FHIT: variants seen among roughly 807,000 people sequenced by gnomAD.
The protein encoded by FHIT is fragile histidine triad diadenosine triphosphatase.
Under a neutral mutation model 17.9 loss-of-function variants are expected in FHIT, and 19 were observed. The observed-to-expected ratio is 1.06, with a 90% CI of 0.74 to 1.56. The LOEUF (loss-of-function observed/expected upper bound fraction) is 1.56, where lower values mean the gene tolerates loss of function less well. Among genes scored for constraint, FHIT ranks in the 40% most tolerant of loss-of-function variants. The pLI is 0.00. For missense variants in FHIT, 248 were observed against 189.2 expected (o/e 1.31, Z -1.82); for synonymous variants, 81 against 69.7 (o/e 1.16, Z -0.81).
At chr3:60,553,763 C>T (rs575731983) in intron 4 of FHIT, among the ~76,000 whole-genome samples, 26 of 152,094 alleles carry the variant, frequency 1.7e-4, no homozygotes, top group Middle Eastern at 3.4e-3. Flanking sequence ...ACACCAGCAT[C>T]AAGGCCTAGA....
rs116303478 is a variant in FHIT at position 59,949,399 on chromosome 3, G to A, written c.280-26985C>T. ...TCACTCAGTGTCTTGCTAACATTTG[G>A]GCACCTATCTGGCATTCCACTAATG... On this transcript the variant is annotated intron_variant, in intron 7 of 9. Transcript: ENST00000492590. 1.7e-3 allele frequency among the ~76,000 whole-genome samples: 252 copies of A among 152,206 alleles called. 1 individual carries two copies. Among genetic ancestry groups the A allele is most frequent in the African/African-American group, 5.8e-3 (240 of 41,518 alleles).
intron 5 of FHIT, among the ~76,000 whole-genome samples, chr3:60,045,683 C>T (rs1347058645): frequency 1.3e-5 from 2 of 152,216 alleles, no homozygotes; most frequent in Non-Finnish European, 2.9e-5. Context: ...CCAGGGAAGA[C>T]ATGTGCCTCC....
chr3:61,206,592 A>G (rs976147620), intron 1 of FHIT, among the ~76,000 whole-genome samples: 31 of 152,120 alleles, frequency 2.0e-4, no homozygotes, highest in Non-Finnish European at 7.3e-5. Context: ...TGTGAATGGG[A>G]GTTCACTCAT....
At chr3:61,234,209 C>T (rs1029860849) in intron 1 of FHIT, among the ~76,000 whole-genome samples, 1 of 152,134 alleles carries the variant, frequency 6.6e-6, no homozygotes, top group Admixed American at 6.5e-5. Context: ...TAGGGGAGCA[C>T]TGCTTGCTGC....
intron 7 of FHIT, among the ~76,000 whole-genome samples, chr3:59,960,931 C>A (rs1707646058): frequency 1.3e-5 from 2 of 152,112 alleles, no homozygotes; most frequent in South Asian, 4.1e-4. Flanking sequence ...GACAGCGAAC[C>A]CAGCAAGGAA....
At chr3:59,870,933 T>C (rs1015257194) in intron 8 of FHIT, among the ~76,000 whole-genome samples, 1 of 151,954 alleles carries the variant, frequency 6.6e-6, no homozygotes, top group Non-Finnish European at 1.5e-5. Context: ...ATGACCCTAC[T>C]GTAAATGACT....
chr3:59,747,507 T>C lies in FHIT; in HGVS notation c.*2078A>G, dbSNP rs1427397543. ...CATGTGGGGATTATGGGAGCTACAA[T>C]TCAAGATGAGATGTGGGTGGGGAAA... On this transcript the variant is annotated 3_prime_UTR_variant, in exon 10 of 10. Transcript: ENST00000492590. Among the ~76,000 whole-genome samples the C allele has an allele frequency of 6.6e-6, 1 of 152,176 alleles. No homozygotes were observed. Among genetic ancestry groups the C allele is most frequent in the Non-Finnish European group, 1.5e-5 (1 of 68,026 alleles).
At position 60,454,672 on chromosome 3, in the gene FHIT, C is replaced by A. The variant is rs537996744; in HGVS notation, c.103+82188G>T. Among the ~76,000 whole-genome samples the A allele has an allele frequency of 2.0e-5, 3 of 152,302 alleles. No homozygotes were observed. The South Asian group carries it at 6.2e-4, about 32-fold the overall frequency. ...GTGCTGGGATTATAGGTGTGAGCCACCACGCTCAGCCTTAACCTAACTTTT... is the reference window on the plus strand; with the variant it reads ...GTGCTGGGATTATAGGTGTGAGCCAACACGCTCAGCCTTAACCTAACTTTT... On this transcript the variant is annotated intron_variant, in intron 5 of 9. Transcript: ENST00000492590.
intron 5 of FHIT, among the ~76,000 whole-genome samples, chr3:60,234,049 A>T (rs1051592209): frequency 6.6e-6 from 1 of 152,184 alleles, no homozygotes; most frequent in Non-Finnish European, 1.5e-5. Context: ...TCCCCATACT[A>T]GAATACATGC....
chr3:60,824,019 G>T (rs954839245), intron 3 of FHIT, among the ~76,000 whole-genome samples: 12 of 152,164 alleles, frequency 7.9e-5, no homozygotes, highest in African/African-American at 1.2e-4. Flanking sequence ...ACAAGGAGCT[G>T]GAGGGTGCTA....
intron 5 of FHIT, among the ~76,000 whole-genome samples, chr3:60,385,490 T>A (rs1383666934): frequency 6.6e-6 from 1 of 152,168 alleles, no homozygotes; most frequent in Non-Finnish European, 1.5e-5. Context: ...AAAAAGGAAA[T>A]AGCAACTTTG....
At chr3:59,843,654 C>A (rs1375187849) in intron 8 of FHIT, among the ~76,000 whole-genome samples, 2 of 151,894 alleles carry the variant, frequency 1.3e-5, no homozygotes, top group East Asian at 1.9e-4. Flanking sequence ...GTATTTTATT[C>A]TTTTTAATTC....
At chr3:61,178,028 C>T (rs1399622051) in intron 2 of FHIT, among the ~76,000 whole-genome samples, 1 of 152,148 alleles carries the variant, frequency 6.6e-6, no homozygotes, top group Non-Finnish European at 1.5e-5. Context: ...GTCTGTGCCA[C>T]TTGAAGGATG....
At chr3:60,124,023 G>GAGAGAGAGAGAGAGAGAGAC (rs1705410546) in intron 5 of FHIT, among the ~76,000 whole-genome samples, 1 of 90,998 alleles carries the variant, frequency 1.1e-5, no homozygotes, top group African/African-American at 4.4e-5. Flanking sequence ...GAGAGAGAGA[G>GAGAGAGAGAGAGAGAGAGAC]AGAGAGAGAG....
chr3:60,312,035 A>T (rs1708971154), intron 5 of FHIT, among the ~76,000 whole-genome samples: 1 of 152,210 alleles, frequency 6.6e-6, no homozygotes. Flanking sequence ...ACTGAAATAC[A>T]ATTTTTAAAA....
At chr3:60,358,517 T>C (rs949647577) in intron 5 of FHIT, among the ~76,000 whole-genome samples, 21 of 152,190 alleles carry the variant, frequency 1.4e-4, no homozygotes, top group African/African-American at 5.1e-4. Context: ...CACAATGAAT[T>C]ATGATCATTG....
intron 7 of FHIT, among the ~76,000 whole-genome samples, chr3:59,998,390 A>G (rs1699600375): frequency 2.0e-5 from 3 of 152,140 alleles, no homozygotes; most frequent in Non-Finnish European, 4.4e-5. Flanking sequence ...CATTTTATGG[A>G]GCAAATATTG....
chr3:60,304,650 G>T (rs1708595255), intron 5 of FHIT, among the ~76,000 whole-genome samples: 1 of 152,036 alleles, frequency 6.6e-6, no homozygotes, highest in Admixed American at 6.6e-5. Flanking sequence ...AACAGTTTTA[G>T]TATATGTGCC....
chr3:61,002,989 A>G (rs77923054), intron 3 of FHIT, among the ~76,000 whole-genome samples: 4,673 of 152,240 alleles, frequency 0.031, 219 homozygotes, highest in African/African-American at 0.11. Flanking sequence ...CCCTTTCTCA[A>G]GGTCTGGTGC....
Sources: allele counts gnomAD v4.1 joint callset (sites outside exome capture counted in the v4.1 genomes callset), GRCh38; gene constraint gnomAD v4.1.1; transcripts MANE v1.5; gene names NCBI Gene and HGNC (gene_info 2026-07-23, HGNC 2026-07-21).